TEX10: variants seen among roughly 807,000 people sequenced by gnomAD.
The protein encoded by TEX10 is testis expressed 10.
A neutral mutation model predicts 104.4 loss-of-function variants in TEX10; 24 were observed. The observed-to-expected ratio is 0.23, with a 90% CI of 0.17 to 0.32. TEX10 has a LOEUF of 0.32. Among genes scored for constraint, TEX10 ranks in the 10% least tolerant of loss-of-function variants. The probability of loss-of-function intolerance (pLI) is 1.00; values close to 1 mark genes in which losing one functional copy is unlikely to be tolerated. For missense variants in TEX10, 921 were observed against 1,083.9 expected (o/e 0.85, Z 2.11); for synonymous variants, 396 against 393.4 (o/e 1.01, Z -0.08).
chr9:100,328,684 T>C (rs1352801549), intron 7 of TEX10, among the ~76,000 whole-genome samples: 2 of 152,214 alleles, frequency 1.3e-5, no homozygotes, highest in African/African-American at 4.8e-5. Context: ...CAAATAAACC[T>C]CAAACTCACC....
At chr9:100,352,351 G>C in intron 1 of TEX10, 4 of 1,550,560 alleles carry the variant, frequency 2.6e-6, no homozygotes, top group Non-Finnish European at 3.5e-6. Context: ...ACCAGAGGAC[G>C]GAACAGGGGA....
intron 1 of TEX10, among the ~76,000 whole-genome samples, chr9:100,350,455 C>T (rs1165729575): frequency 6.6e-6 from 1 of 152,188 alleles, no homozygotes; most frequent in Non-Finnish European, 1.5e-5. Flanking sequence ...CCCCATCCAT[C>T]CTCTCCAGCT....
Position 100,345,930 on chromosome 9 carries a change from A to C in TEX10, c.1137+142T>G, listed in dbSNP as rs141194742. ...GAAAACTAATTTGTAGTTTTGTGCA[A>C]AACAAACAAGTTTACAGTTAAACCC... On this transcript the variant is annotated intron_variant, in intron 4 of 14. Coordinates refer to ENST00000374902, the MANE Select transcript of TEX10 (RefSeq NM_017746.4). 4.4e-5 allele frequency: 37 copies of C among 835,750 alleles called. No individual in the cohort carries two copies. The African/African-American group carries it at 6.3e-4, about 14-fold the overall frequency. 51.8% of individuals were successfully genotyped at this position (835,750 alleles called of 1,614,324 possible). A position where few individuals can be genotyped will look rare whatever the true frequency, so the allele number is the denominator to read the frequency against.
At chr9:100,312,315 G>A (rs528347905) in intron 11 of TEX10, among the ~76,000 whole-genome samples, 63 of 152,314 alleles carry the variant, frequency 4.1e-4, no homozygotes, top group Non-Finnish European at 2.2e-4. Flanking sequence ...ATGGCCCAGA[G>A]TAGACAGCCC....
chr9:100,309,263 A>T (rs1439730753), intron 12 of TEX10, among the ~76,000 whole-genome samples: 3 of 152,176 alleles, frequency 2.0e-5, no homozygotes, highest in African/African-American at 4.8e-5. Flanking sequence ...GGGTCATTAG[A>T]GTTTGCTAAT....
At chr9:100,337,746 C>T (rs1332350304) in intron 5 of TEX10, among the ~76,000 whole-genome samples, 2 of 152,194 alleles carry the variant, frequency 1.3e-5, no homozygotes. Context: ...ATTTCCTAAT[C>T]CTGTAGCTTT....
chr9:100,323,761 G>A (rs929117034), intron 9 of TEX10, among the ~76,000 whole-genome samples: 1 of 152,014 alleles, frequency 6.6e-6, no homozygotes, highest in Non-Finnish European at 1.5e-5. Flanking sequence ...GAGACAGCAA[G>A]GTATCAGAAC....
rs774745192 is a variant in TEX10, at chr9:100,345,979, T to C, written c.1137+93A>G. ...CCAGGGTACTTTTCAGAAAAATATA[T>C]AACCAATTAGTAGTAATGAGCTGAT... On this transcript the variant is annotated intron_variant, in intron 4 of 14. Coordinates refer to ENST00000374902, the MANE Select transcript of TEX10 (RefSeq NM_017746.4). 7.9e-6 allele frequency: 11 copies of C among 1,391,684 alleles called. No homozygotes were observed. The Admixed American group carries it at 2.3e-4, about 29-fold the overall frequency. 86.2% of individuals were successfully genotyped at this position (1,391,684 alleles called of 1,614,324 possible). A position where few individuals can be genotyped will look rare whatever the true frequency, so the allele number is the denominator to read the frequency against.
chr9:100,342,027 T>C (rs1835186480), intron 4 of TEX10, among the ~76,000 whole-genome samples: 1 of 152,206 alleles, frequency 6.6e-6, no homozygotes. Context: ...CTATCACTCT[T>C]CTTCGCCCCC....
intron 5 of TEX10, among the ~76,000 whole-genome samples, chr9:100,333,299 C>T (rs995298152): frequency 2.6e-5 from 4 of 152,146 alleles, no homozygotes; most frequent in African/African-American, 7.2e-5. Context: ...TTAAAGGTTT[C>T]TCTCCCAGGA....
chr9:100,310,249 C>T (rs1834241497), intron 12 of TEX10, 50 bp downstream of exon 12: 1 of 1,473,198 alleles, frequency 6.8e-7, no homozygotes, highest in Non-Finnish European at 9.5e-7. Flanking sequence ...TCTATTCTAA[C>T]CAATGCATCC....
intron 1 of TEX10, 117 bp from the exon 2 acceptor site, chr9:100,349,489 A>AT (rs1262922809): frequency 1.6e-6 from 1 of 630,556 alleles, no homozygotes; most frequent in Admixed American, 4.0e-5. Flanking sequence ...CAAGAATCTG[A>AT]TTATGCTGAA....
intron 5 of TEX10, among the ~76,000 whole-genome samples, chr9:100,331,524 T>C (rs1036872590): frequency 4.6e-5 from 7 of 152,170 alleles, no homozygotes; most frequent in African/African-American, 1.7e-4. Context: ...TAATCCTAGT[T>C]AGTCTTGAGC....
At chr9:100,349,415 G>A (rs769193532) in intron 1 of TEX10, 43 bp from the exon 2 acceptor site, 3 of 1,375,920 alleles carry the variant, frequency 2.2e-6, no homozygotes, top group Admixed American at 3.1e-5. Context: ...ATAGAGACAA[G>A]AATAAATTAT....
rs758252775 is a variant in TEX10 at position 100,318,529 on chromosome 9, T to C, written c.2202+1736A>G. On this transcript the variant is annotated intron_variant, in intron 11 of 14. Transcript: ENST00000374902. ...AATGGGTACAGTGTACATTGTTGGG[T>C]GATACTCTCAGATACCTGATTCACC... Among the ~76,000 whole-genome samples the C allele has an allele frequency of 3.3e-5, 5 of 152,306 alleles. No individual in the cohort carries two copies. The East Asian group carries it at 9.6e-4, about 29-fold the overall frequency.
At position 100,303,057 on chromosome 9, in the gene TEX10, CT is replaced by C. The variant is rs1834046011; in HGVS notation, c.2676+574del. Among the ~76,000 whole-genome samples the C allele has an allele frequency of 2.6e-5, 4 of 152,192 alleles. No individual in the cohort carries two copies. The South Asian group carries it at 8.3e-4, about 32-fold the overall frequency. ...AAGTCTGCAACTTCTGATTTTCTTA[CT>C]TTAGAGTGAACTAAGTGACTAGAAA... On this transcript the variant is annotated intron_variant, in intron 14 of 14. Transcript: ENST00000374902.
At position 100,330,097 on chromosome 9, in the gene TEX10, C is replaced by T. The variant is rs1315858468; in HGVS notation, c.1323G>A (p.Met441Ile). 1.9e-6 allele frequency: 3 copies of T among 1,613,948 alleles called. No individual in the cohort carries two copies. The highest frequency in any genetic ancestry group is 2.7e-5 in the African/African-American group (2 of 74,916). Reference sequence around the variant, plus strand: ...AAGTTGACGCATTTGCCAGGGAGACCATGATATCAGACAGTGTTAAATTCA... The same window carrying T: ...AAGTTGACGCATTTGCCAGGGAGACTATGATATCAGACAGTGTTAAATTCA... ...LLLNLTLSDI[M>I]VSLANASTLQ... is the part of the protein sequence containing the mutation. Residue 441 changes from methionine to isoleucine, a missense_variant, in exon 6 of 15, where the codon ATG becomes ATA. Coordinates refer to ENST00000374902, the MANE Select transcript of TEX10 (RefSeq NM_017746.4).
chr9:100,343,730 ACC>A (rs1414392463), intron 4 of TEX10, among the ~76,000 whole-genome samples: 1 of 152,210 alleles, frequency 6.6e-6, no homozygotes, highest in African/African-American at 2.4e-5. Flanking sequence ...ACTATATCTA[ACC>A]GAGACATCAA....
chr9:100,310,698 C>T (rs1434370417), intron 11 of TEX10, among the ~76,000 whole-genome samples: 1 of 152,180 alleles, frequency 6.6e-6, no homozygotes, highest in Non-Finnish European at 1.5e-5. Context: ...TCAAGACTCC[C>T]AAAGTGCTAA....
Sources: allele counts gnomAD v4.1 joint callset (sites outside exome capture counted in the v4.1 genomes callset), GRCh38; gene constraint gnomAD v4.1.1; transcripts MANE v1.5; gene names NCBI Gene and HGNC (gene_info 2026-07-23, HGNC 2026-07-21).